The following ZNF277 variants were observed in gnomAD, a reference collection of about 807,000 sequenced individuals.
ZNF277 encodes zinc finger protein 277, also known as nuclear receptor-interacting factor 4.
A neutral mutation model predicts 60.7 loss-of-function variants in ZNF277; 55 were observed. The ratio of observed to expected loss-of-function variants is 0.91; its 90% CI spans 0.73 to 1.13. ZNF277 has a LOEUF of 1.13. Among genes scored for constraint, ZNF277 ranks in the 50% most tolerant of loss-of-function variants. The pLI is 0.00. For missense variants in ZNF277, 510 were observed against 523.0 expected (o/e 0.98, Z 0.24); for synonymous variants, 178 against 179.3 (o/e 0.99, Z 0.06).
chr7:112,270,739 A>G (rs569660385), intron 1 of ZNF277, among the ~76,000 whole-genome samples: 2 of 152,124 alleles, frequency 1.3e-5, no homozygotes, highest in South Asian at 4.2e-4. Flanking sequence ...TGTTTTCCTA[A>G]AAACAGAAAC....
Position 112,235,221 on chromosome 7 carries a change from G to A in ZNF277, c.91+28414G>A, listed in dbSNP as rs552003450. On this transcript the variant is annotated intron_variant, in intron 1 of 11. Transcript: ENST00000361822. ...CTTCAGTCTGCCTGAAATTTATTTT[G>A]TGGTAAATGGTGGAATAAGGAAGTT... Among the ~76,000 whole-genome samples, 3 of 151,744 alleles carry A rather than the reference G, an allele frequency of 2.0e-5. No individual in the cohort carries two copies. In the East Asian group the frequency reaches 5.8e-4, roughly 29 times the overall value.
chr7:112,280,256 A>G (rs1322664639), intron 1 of ZNF277, among the ~76,000 whole-genome samples: 2 of 152,088 alleles, frequency 1.3e-5, no homozygotes, highest in Non-Finnish European at 2.9e-5. Flanking sequence ...CAAAACCTAC[A>G]AGTGATTTAT....
chr7:112,239,654 G>C (rs777809991), intron 1 of ZNF277, among the ~76,000 whole-genome samples: 1 of 152,158 alleles, frequency 6.6e-6, no homozygotes, highest in Non-Finnish European at 1.5e-5. Context: ...CACCAGACCT[G>C]TCCTACAAGA....
chr7:112,231,817 C>A (rs1822339229), intron 1 of ZNF277, among the ~76,000 whole-genome samples: 1 of 151,950 alleles, frequency 6.6e-6, no homozygotes. Context: ...AGTATTTCCA[C>A]TGATCAGTTT....
intron 1 of ZNF277, among the ~76,000 whole-genome samples, chr7:112,275,065 T>C (rs1327769611): frequency 1.3e-5 from 2 of 152,222 alleles, no homozygotes; most frequent in African/African-American, 4.8e-5. Flanking sequence ...TCTGGTTAAT[T>C]AGATTTACCA....
At chr7:112,239,365 A>C (rs1294606991) in intron 1 of ZNF277, among the ~76,000 whole-genome samples, 1 of 124,518 alleles carries the variant, frequency 8.0e-6, no homozygotes, top group Admixed American at 7.8e-5. Context: ...ATTACTGCTG[A>C]CTAAGGAGCC....
chr7:112,304,280 T>C (rs577403619), intron 4 of ZNF277, among the ~76,000 whole-genome samples: 11 of 152,248 alleles, frequency 7.2e-5, no homozygotes, highest in African/African-American at 2.4e-4. Context: ...TTAAGTATTA[T>C]TTAGTATATT....
chr7:112,221,444 C>A (rs1376201417), intron 1 of ZNF277, among the ~76,000 whole-genome samples: 1 of 152,206 alleles, frequency 6.6e-6, no homozygotes, highest in African/African-American at 2.4e-5. Flanking sequence ...GGTCCCCAAC[C>A]TTCTTGGCAC....
At chr7:112,264,128 A>G (rs1791494718) in intron 1 of ZNF277, among the ~76,000 whole-genome samples, 2 of 152,128 alleles carry the variant, frequency 1.3e-5, no homozygotes, top group South Asian at 4.1e-4. Context: ...ACCTTTTCTA[A>G]GCAAAAGTGT....
At chr7:112,278,793 T>A (rs10278883) in intron 1 of ZNF277, among the ~76,000 whole-genome samples, 8,764 of 152,222 alleles carry the variant, frequency 0.058, 675 homozygotes, top group African/African-American at 0.18. Context: ...ACAAATTTTT[T>A]AATGTACACT....
At position 112,318,164 on chromosome 7, in the gene ZNF277, T is replaced by C. The variant is rs1792886058; in HGVS notation, c.466-18T>C. ...TTGTGCATTAAGATAATACCATAAA[T>C]CTGTTTCTACTTTCCAGAGAGAAAT... On this transcript the variant is annotated intron_variant, in intron 4 of 11. Transcript: ENST00000361822. 1 of 1,599,728 alleles carries C rather than the reference T, an allele frequency of 6.3e-7. No homozygotes were observed. The highest frequency in any genetic ancestry group is 8.6e-7 in the Non-Finnish European group (1 of 1,167,116).
rs558543467 is a variant in ZNF277, at chr7:112,210,020, A to T, written c.91+3213A>T. Among the ~76,000 whole-genome samples the T allele has an allele frequency of 1.4e-4, 21 of 152,184 alleles. 1 individual carries two copies. In the South Asian group the frequency reaches 3.9e-3, roughly 29 times the overall value. ...CGTGGGGTTGGGGGATGGGGAAGGG[A>T]TAGCATTAGGAGAAATACCTAATGT... On this transcript the variant is annotated intron_variant, in intron 1 of 11. Coordinates refer to ENST00000361822, the MANE Select transcript of ZNF277 (RefSeq NM_021994.3).
At chr7:112,296,618 A>C (rs1792340563) in intron 4 of ZNF277, among the ~76,000 whole-genome samples, 1 of 151,888 alleles carries the variant, frequency 6.6e-6, no homozygotes, top group Admixed American at 6.6e-5. Context: ...GCTAGGGTTC[A>C]GTAGTCATGG....
In ZNF277 at chr7:112,213,134, G is replaced by A. The variant is rs193254294; in HGVS notation, c.91+6327G>A. On this transcript the variant is annotated intron_variant, in intron 1 of 11. Coordinates refer to ENST00000361822, the MANE Select transcript of ZNF277 (RefSeq NM_021994.3). ...TCTTTCCTGTGCTGTTCTCATGATA[G>A]TGAATAAGTCTCATGAGATCTGATG... is the stretch of plus-strand genomic sequence containing the variant. Among the ~76,000 whole-genome samples the A allele has an allele frequency of 4.5e-4, 69 of 152,298 alleles. 2 individuals are homozygous for A. In the East Asian group the frequency reaches 8.9e-3, roughly 20 times the overall value.
At chr7:112,216,209 T>C (rs1265420057) in intron 1 of ZNF277, among the ~76,000 whole-genome samples, 1 of 152,240 alleles carries the variant, frequency 6.6e-6, no homozygotes, top group Non-Finnish European at 1.5e-5. Context: ...CGACATTGAG[T>C]TATTTTTCCA....
intron 1 of ZNF277, among the ~76,000 whole-genome samples, chr7:112,241,730 G>A (rs1477423065): frequency 6.6e-6 from 1 of 152,088 alleles, no homozygotes; most frequent in Non-Finnish European, 1.5e-5. Context: ...AGGACATTTT[G>A]TTAAGTGAAA....
chr7:112,209,310 C>T (rs1355598046), intron 1 of ZNF277, among the ~76,000 whole-genome samples: 2 of 152,102 alleles, frequency 1.3e-5, no homozygotes, highest in Non-Finnish European at 2.9e-5. Flanking sequence ...TTGACAGATG[C>T]CAGACTTTCC....
At chr7:112,339,666 G>T (rs1002776585) in intron 9 of ZNF277, among the ~76,000 whole-genome samples, 177 bp from the exon 10 acceptor site, 1 of 152,150 alleles carries the variant, frequency 6.6e-6, no homozygotes, top group Non-Finnish European at 1.5e-5. Context: ...GGACTATGCT[G>T]TAAAAAAGTT....
intron 8 of ZNF277, among the ~76,000 whole-genome samples, chr7:112,336,556 C>T (rs764390694): frequency 2.6e-5 from 4 of 152,124 alleles, no homozygotes; most frequent in African/African-American, 4.8e-5. Context: ...GTTCTGTGTT[C>T]GGGCCATTGA....
Sources: allele counts gnomAD v4.1 joint callset (sites outside exome capture counted in the v4.1 genomes callset), GRCh38; gene constraint gnomAD v4.1.1; transcripts MANE v1.5; gene names NCBI Gene and HGNC (gene_info 2026-07-23, HGNC 2026-07-21).